Variants in TSGA10 observed in about 807,000 individuals in gnomAD.
TSGA10 encodes testis specific 10.
A neutral mutation model predicts 96.6 loss-of-function variants in TSGA10; 43 were observed. The observed-to-expected ratio is 0.44, with a 90% CI of 0.35 to 0.57. The LOEUF (loss-of-function observed/expected upper bound fraction) is 0.57. Among genes scored for constraint, TSGA10 ranks in the 20% least tolerant of loss-of-function variants. The pLI, the probability that TSGA10 is intolerant of heterozygous loss-of-function variation, is 0.01. For synonymous variants in TSGA10, 229 were observed against 269.9 expected (o/e 0.85, Z 1.48); for missense variants, 703 against 834.4 (o/e 0.84, Z 1.94).
chr2:99,076,225 A>G (rs534828943), intron 12 of TSGA10, among the ~76,000 whole-genome samples: 1 of 152,196 alleles, frequency 6.6e-6, no homozygotes, highest in South Asian at 2.1e-4. Flanking sequence ...TAAGCCAGAA[A>G]CCATACCTTG....
intron 10 of TSGA10, among the ~76,000 whole-genome samples, chr2:99,097,118 C>A (rs550105798): frequency 1.3e-5 from 2 of 152,030 alleles, no homozygotes; most frequent in African/African-American, 4.8e-5. Flanking sequence ...GGGAAGGAAA[C>A]GCTCTGTATC....
intron 1 of TSGA10, among the ~76,000 whole-genome samples, chr2:99,132,948 G>A (rs538196182): frequency 1.4e-4 from 21 of 152,272 alleles, no homozygotes; most frequent in African/African-American, 4.8e-4. Context: ...ATTGCACTGT[G>A]GTCTGCGAGA....
At chr2:99,010,878 G>A (rs1324157830) in intron 20 of TSGA10, among the ~76,000 whole-genome samples, 1 of 152,186 alleles carries the variant, frequency 6.6e-6, no homozygotes, top group Admixed American at 6.5e-5. Flanking sequence ...TCTGAGCAAG[G>A]CACTGCAGGA....
At chr2:99,154,632 G>C in intron 1 of TSGA10, 61 bp downstream of exon 1, 1 of 185,402 alleles carries the variant, frequency 5.4e-6, no homozygotes. Context: ...GGCTTCTGGG[G>C]GCTCCCCCTA....
At chr2:99,000,097 T>G (rs1404519863) in intron 20 of TSGA10, among the ~76,000 whole-genome samples, 1 of 152,036 alleles carries the variant, frequency 6.6e-6, no homozygotes, top group Admixed American at 6.5e-5. Flanking sequence ...AATGGCAGGG[T>G]GTGGTGGCTC....
chr2:99,022,613 T>C (rs556757682), intron 17 of TSGA10, among the ~76,000 whole-genome samples: 1 of 152,312 alleles, frequency 6.6e-6, no homozygotes, highest in Admixed American at 6.5e-5. Context: ...ATTTGACTTA[T>C]TATACTTTGG....
intron 10 of TSGA10, among the ~76,000 whole-genome samples, chr2:99,085,609 T>TAAAAAAAAAAAAAAAAA (rs200309936): frequency 1.5e-4 from 8 of 52,468 alleles, no homozygotes; most frequent in African/African-American, 2.4e-4. Flanking sequence ...ATCCTGTCTT[T>TAAAAAAAAAAAAAAAAA]AAAAAAAAAA....
At chr2:99,098,927 T>C (rs752161829) in intron 10 of TSGA10, among the ~76,000 whole-genome samples, 2 of 152,178 alleles carry the variant, frequency 1.3e-5, no homozygotes, top group Non-Finnish European at 2.9e-5. Flanking sequence ...TTATACAAAC[T>C]GTTCCACAAA....
chr2:99,140,986 G>T, intron 1 of TSGA10: 1 of 945,740 alleles, frequency 1.1e-6, no homozygotes, highest in Non-Finnish European at 1.4e-6. Flanking sequence ...CCACGGCCCC[G>T]CACCCGCCAC....
At chr2:99,148,992 T>TAAATAA (rs1041351438) in intron 1 of TSGA10, among the ~76,000 whole-genome samples, 40 of 151,428 alleles carry the variant, frequency 2.6e-4, no homozygotes, top group Non-Finnish European at 4.9e-4. Flanking sequence ...GGAAAAAAAA[T>TAAATAA]AAATAAAAAT....
intron 2 of TSGA10, chr2:99,125,889 G>C (rs1439574709): frequency 2.0e-5 from 3 of 152,258 alleles, no homozygotes; most frequent in Non-Finnish European, 4.4e-5. Flanking sequence ...CTGACACCAT[G>C]GATGGGTGGC....
intron 20 of TSGA10, among the ~76,000 whole-genome samples, chr2:99,007,194 T>C (rs1382476916): frequency 6.6e-6 from 1 of 152,024 alleles, no homozygotes; most frequent in Non-Finnish European, 1.5e-5. Flanking sequence ...CTAATGTAAA[T>C]GACGAGTTAA....
chr2:99,143,458 C>A (rs2093599025), intron 1 of TSGA10, among the ~76,000 whole-genome samples: 1 of 141,184 alleles, frequency 7.1e-6, no homozygotes. Context: ...TGCGCCCAGA[C>A]TTTTTTTTTT....
chr2:99,142,753 A>G (rs975931074), intron 1 of TSGA10, among the ~76,000 whole-genome samples: 2 of 152,224 alleles, frequency 1.3e-5, no homozygotes, highest in African/African-American at 4.8e-5. Flanking sequence ...TCCTCTTCAG[A>G]TACTAAGATT....
intron 17 of TSGA10, among the ~76,000 whole-genome samples, chr2:99,034,930 C>T (rs1333207075): frequency 6.6e-6 from 1 of 152,106 alleles, no homozygotes; most frequent in South Asian, 2.1e-4. Context: ...ATTAAAGTTA[C>T]AATTTAGCTA....
At chr2:99,008,918 G>A (rs1331603200) in intron 20 of TSGA10, among the ~76,000 whole-genome samples, 1 of 152,094 alleles carries the variant, frequency 6.6e-6, no homozygotes, top group African/African-American at 2.4e-5. Context: ...AAAGCAAAGT[G>A]CAAAGAAGCA....
At chr2:99,145,055 C>CA (rs1305640651) in intron 1 of TSGA10, among the ~76,000 whole-genome samples, 2 of 152,164 alleles carry the variant, frequency 1.3e-5, no homozygotes, top group Admixed American at 6.5e-5. Flanking sequence ...AATTGGGTCT[C>CA]ACTGGGCTAA....
chr2:99,149,788 T>TC (rs2093673112), intron 1 of TSGA10, among the ~76,000 whole-genome samples: 1 of 130,432 alleles, frequency 7.7e-6, no homozygotes, highest in Admixed American at 7.8e-5. Flanking sequence ...CAAGTATCTT[T>TC]TTTTTTTTTT....
At chr2:99,000,790 T>C (rs2077824130) in intron 20 of TSGA10, among the ~76,000 whole-genome samples, 2 of 152,018 alleles carry the variant, frequency 1.3e-5, no homozygotes, top group African/African-American at 4.8e-5. Context: ...GCTTTTCCAG[T>C]GGTCTTTGCA....
Sources: allele counts gnomAD v4.1 joint callset (sites outside exome capture counted in the v4.1 genomes callset), GRCh38; gene constraint gnomAD v4.1.1; transcripts MANE v1.5; gene names NCBI Gene and HGNC (gene_info 2026-07-23, HGNC 2026-07-21).